The following SLC10A7 variants were observed in gnomAD, a reference collection of about 807,000 sequenced individuals.
SLC10A7 encodes solute carrier family 10 member 7.
Under a neutral mutation model 43.2 loss-of-function variants are expected in SLC10A7, and 29 were observed. The observed-to-expected ratio is 0.67, with a 90% CI of 0.50 to 0.92. SLC10A7 has a LOEUF of 0.92. Among genes scored for constraint, SLC10A7 ranks in the 40% least tolerant of loss-of-function variants. SLC10A7 has a pLI of 0.00. For synonymous variants in SLC10A7, 152 were observed against 144.8 expected (o/e 1.05, Z -0.35); for missense variants, 295 against 403.2 (o/e 0.73, Z 2.30).
chr4:146,521,274 A>G (rs1482510565), intron 1 of SLC10A7, among the ~76,000 whole-genome samples: 1 of 151,936 alleles, frequency 6.6e-6, no homozygotes, highest in African/African-American at 2.4e-5. Flanking sequence ...CCACTCCAAG[A>G]TAGATACGGA....
At chr4:146,450,369 A>G (rs931503696) in intron 4 of SLC10A7, among the ~76,000 whole-genome samples, 1 of 152,174 alleles carries the variant, frequency 6.6e-6, no homozygotes, top group Admixed American at 6.6e-5. Context: ...GCATTTATAT[A>G]TATAAATGTC....
Position 146,503,842 on chromosome 4 carries a change from G to A in SLC10A7, c.396+7C>T. ...TTATGTTTAAATAAGGTAGCCCCATGACTCACCTCATTTCCACCAACTGCC... is the reference window on the plus strand; with the variant it reads ...TTATGTTTAAATAAGGTAGCCCCATAACTCACCTCATTTCCACCAACTGCC... On this transcript the variant is annotated splice_region_variant and intron_variant, in intron 4 of 11. Transcript: ENST00000335472. 1 of 1,613,398 alleles carries A rather than the reference G, an allele frequency of 6.2e-7. No individual in the cohort carries two copies. The highest frequency in any genetic ancestry group is 1.1e-5 in the South Asian group (1 of 91,038).
At chr4:146,431,067 T>C (rs1273652855) in intron 5 of SLC10A7, among the ~76,000 whole-genome samples, 1 of 152,170 alleles carries the variant, frequency 6.6e-6, no homozygotes, top group Non-Finnish European at 1.5e-5. Flanking sequence ...AATATAAAAA[T>C]GAAGTTTCTA....
intron 11 of SLC10A7, among the ~76,000 whole-genome samples, chr4:146,258,229 G>C (rs1727999387): frequency 6.6e-6 from 1 of 152,122 alleles, no homozygotes; most frequent in Non-Finnish European, 1.5e-5. Flanking sequence ...ATGCAGTTTT[G>C]CTGTACAAAT....
At chr4:146,431,990 C>G (rs976162208) in intron 5 of SLC10A7, among the ~76,000 whole-genome samples, 1 of 152,144 alleles carries the variant, frequency 6.6e-6, no homozygotes, top group Admixed American at 6.5e-5. Context: ...TTTGAACACA[C>G]AGGCCACCAA....
At chr4:146,510,093 A>T (rs776526501) in intron 2 of SLC10A7, 44 bp from the exon 3 acceptor site, 1 of 1,562,590 alleles carries the variant, frequency 6.4e-7, no homozygotes, top group Non-Finnish European at 8.6e-7. Flanking sequence ...TAAGAAAACT[A>T]TTCCTGAAAG....
intron 5 of SLC10A7, among the ~76,000 whole-genome samples, chr4:146,427,108 T>C (rs181266688): frequency 6.3e-4 from 96 of 152,236 alleles, no homozygotes; most frequent in Non-Finnish European, 1.2e-3. Flanking sequence ...ATGGAAGATT[T>C]GTTTCAGAAC....
intron 9 of SLC10A7, among the ~76,000 whole-genome samples, chr4:146,285,708 C>T (rs1729848986): frequency 6.6e-6 from 1 of 152,192 alleles, no homozygotes; most frequent in African/African-American, 2.4e-5. Flanking sequence ...GCTCAGTGAG[C>T]CTTGGGAAGG....
intron 1 of SLC10A7, among the ~76,000 whole-genome samples, chr4:146,517,736 G>A (rs1326156809): frequency 6.6e-6 from 1 of 152,024 alleles, no homozygotes; most frequent in African/African-American, 2.4e-5. Context: ...ATCTATCATG[G>A]TATCAGCACT....
At chr4:146,500,546 A>G (rs1736305211) in intron 4 of SLC10A7, among the ~76,000 whole-genome samples, 1 of 152,002 alleles carries the variant, frequency 6.6e-6, no homozygotes. Context: ...CAGTCATACA[A>G]CTCAATACCA....
intron 6 of SLC10A7, among the ~76,000 whole-genome samples, chr4:146,309,613 G>A (rs10212747): frequency 0.49 from 74,949 of 151,976 alleles, 18,697 homozygotes; most frequent in Admixed American, 0.57. Flanking sequence ...GTGAATGACT[G>A]TAATACAAAG....
intron 5 of SLC10A7, among the ~76,000 whole-genome samples, chr4:146,381,347 T>C (rs1217120801): frequency 6.6e-6 from 1 of 152,156 alleles, no homozygotes; most frequent in Non-Finnish European, 1.5e-5. Flanking sequence ...CTGAACTGTT[T>C]AGGAACCCTC....
At chr4:146,357,831 G>GGGA (rs1735762936) in intron 5 of SLC10A7, among the ~76,000 whole-genome samples, 1 of 152,118 alleles carries the variant, frequency 6.6e-6, no homozygotes, top group African/African-American at 2.4e-5. Context: ...AGGCTGGAAG[G>GGGA]GGAGAAGAGC....
chr4:146,466,041 T>A (rs1732998710), intron 4 of SLC10A7, among the ~76,000 whole-genome samples: 2 of 152,284 alleles, frequency 1.3e-5, no homozygotes, highest in South Asian at 4.1e-4. Flanking sequence ...TTATGTGTTT[T>A]AGAAAAAAAA....
intron 4 of SLC10A7, among the ~76,000 whole-genome samples, chr4:146,482,967 A>G (rs1237234283): frequency 6.6e-6 from 1 of 152,168 alleles, no homozygotes; most frequent in Non-Finnish European, 1.5e-5. Context: ...AAAAAAACTG[A>G]CAACCAAGAA....
At chr4:146,445,973 G>A (rs1006286152) in intron 4 of SLC10A7, among the ~76,000 whole-genome samples, 1 of 151,818 alleles carries the variant, frequency 6.6e-6, no homozygotes. Context: ...AGTTCTCATG[G>A]GCACAGGATA....
intron 2 of SLC10A7, among the ~76,000 whole-genome samples, chr4:146,511,307 C>T (rs375786250): frequency 6.6e-6 from 1 of 152,008 alleles, no homozygotes; most frequent in East Asian, 1.9e-4. Context: ...GAAATAAAAA[C>T]AAAATGGAAA....
chr4:146,472,599 A>G (rs558190941), intron 4 of SLC10A7, among the ~76,000 whole-genome samples: 1 of 152,256 alleles, frequency 6.6e-6, no homozygotes, highest in Admixed American at 6.5e-5. Context: ...CTGTGTTCCC[A>G]TAGGCCCTTA....
At chr4:146,273,558 G>A (rs1343111102) in intron 10 of SLC10A7, among the ~76,000 whole-genome samples, 2 of 152,130 alleles carry the variant, frequency 1.3e-5, no homozygotes, top group Admixed American at 6.5e-5. Flanking sequence ...GAAGTACCTA[G>A]TATAGTACCT....
Sources: gnomAD v4.1 joint callset for allele counts (sites outside exome capture counted in the v4.1 genomes callset) on GRCh38, gnomAD v4.1.1 for gene constraint, MANE v1.5 for transcripts, NCBI Gene and HGNC (gene_info 2026-07-23, HGNC 2026-07-21) for gene names.